Variants in TMEM117 observed in about 807,000 individuals in gnomAD.
The protein encoded by TMEM117 is transmembrane protein 117.
A neutral mutation model predicts 52.4 loss-of-function variants in TMEM117; 27 were observed. The observed-to-expected ratio is 0.51, with a 90% CI of 0.38 to 0.71. The LOEUF (loss-of-function observed/expected upper bound fraction) is 0.71. Among genes scored for constraint, TMEM117 ranks in the 30% least tolerant of loss-of-function variants. The probability of loss-of-function intolerance (pLI) is 0.00; values close to 1 mark genes in which losing one functional copy is unlikely to be tolerated. For missense variants in TMEM117, 556 were observed against 630.5 expected (o/e 0.88, Z 1.26); for synonymous variants, 215 against 206.3 (o/e 1.04, Z -0.36).
At chr12:44,064,399 A>G (rs886233700) in intron 3 of TMEM117, among the ~76,000 whole-genome samples, 4 of 152,182 alleles carry the variant, frequency 2.6e-5, no homozygotes, top group African/African-American at 9.7e-5. Flanking sequence ...TTACTTCAAT[A>G]AAGTTTAGGG....
At position 43,944,330 on chromosome 12, in the gene TMEM117, A is replaced by T. The variant is rs762702853; in HGVS notation, c.398A>T (p.Asp133Val). The change falls in exon 3 of 8, where the codon GAT (aspartate) becomes GTT (valine). Residue 133 changes from aspartate (D) to valine (V), a missense_variant. Coordinates refer to ENST00000266534, the MANE Select transcript of TMEM117 (RefSeq NM_032256.3). ...SHIYNTILLM[D>V]GNMGAYIITD... ...ATATACAACACGATTCTTCTAATGGATGGGAACATGGGGTAGGTTTTCTTT... is the reference window on the plus strand; with the variant it reads ...ATATACAACACGATTCTTCTAATGGTTGGGAACATGGGGTAGGTTTTCTTT... 2.4e-5 allele frequency: 39 copies of T among 1,611,192 alleles called. No individual in the cohort carries two copies. Among genetic ancestry groups the T allele is most frequent in the African/African-American group, 1.1e-4 (8 of 74,798 alleles).
chr12:44,216,310 G>A (rs1012580067), intron 5 of TMEM117, among the ~76,000 whole-genome samples: 1 of 152,002 alleles, frequency 6.6e-6, no homozygotes, highest in African/African-American at 2.4e-5. Flanking sequence ...TCAGCCAAAA[G>A]GAGCTCTCTT....
chr12:43,819,367 T>C, the TMEM117 span, among the ~76,000 whole-genome samples: 1 of 152,206 alleles, frequency 6.6e-6, no homozygotes, highest in African/African-American at 2.4e-5. Flanking sequence ...AGCTGAACTT[T>C]CCTATCTTGT....
At chr12:44,306,380 G>A (rs754173248) in intron 6 of TMEM117, among the ~76,000 whole-genome samples, 1 of 152,134 alleles carries the variant, frequency 6.6e-6, no homozygotes, top group South Asian at 2.1e-4. Context: ...ACAAATATAT[G>A]TGTGCCTATA....
intron 5 of TMEM117, among the ~76,000 whole-genome samples, chr12:44,296,992 T>A (rs1166159967): frequency 6.6e-6 from 1 of 152,210 alleles, no homozygotes; most frequent in Non-Finnish European, 1.5e-5. Flanking sequence ...TGATCAGTCT[T>A]GGACTTCGTA....
chr12:44,243,999 A>G (rs1036796374), intron 5 of TMEM117, among the ~76,000 whole-genome samples: 1 of 151,892 alleles, frequency 6.6e-6, no homozygotes, highest in African/African-American at 2.4e-5. Context: ...CTGTATGTAT[A>G]TACATTTCCT....
At chr12:43,845,691 C>T (rs186179219) in intron 2 of TMEM117, among the ~76,000 whole-genome samples, 7 of 151,612 alleles carry the variant, frequency 4.6e-5, no homozygotes, top group Middle Eastern at 3.4e-3. Context: ...ATCCCTCCCC[C>T]CTCCCCCAAC....
intron 5 of TMEM117, among the ~76,000 whole-genome samples, chr12:44,255,856 G>A (rs1393456746): frequency 6.6e-6 from 1 of 151,878 alleles, no homozygotes; most frequent in African/African-American, 2.4e-5. Flanking sequence ...TTTTTAACAT[G>A]GAAAATATGT....
chr12:44,212,878 G>A (rs944408361), intron 5 of TMEM117, among the ~76,000 whole-genome samples: 2 of 151,794 alleles, frequency 1.3e-5, no homozygotes, highest in South Asian at 4.2e-4. Context: ...GTTATCTTTT[G>A]TGCTTTAGTA....
Position 43,954,984 on chromosome 12 carries a change from C to T in TMEM117, c.410+10642C>T, listed in dbSNP as rs141990886. On this transcript the variant is annotated intron_variant, in intron 3 of 7. Transcript: ENST00000266534. ...CAGGATGCAAGGCTGGTTCAACATA[C>T]GTAAATCAATAATGCAATTCACCAC... Among the ~76,000 whole-genome samples the T allele has an allele frequency of 1.3e-3, 201 of 152,246 alleles. 1 individual carries two copies. The highest frequency in any genetic ancestry group is 4.5e-3 in the African/African-American group (189 of 41,554).
rs1357172374 is a variant in TMEM117, at chr12:43,937,501, A to T, written c.278-6709A>T. On this transcript the variant is annotated intron_variant, in intron 2 of 7. Transcript: ENST00000266534. ...TTTGCTGGGGATGTGTAAGACAAAT[A>T]TAGGGTATACAGAAATGTATGTGGT... 2.6e-5 allele frequency among the ~76,000 whole-genome samples: 4 copies of T among 152,178 alleles called. 1 individual carries two copies. In the South Asian group the frequency reaches 6.2e-4, roughly 24 times the overall value.
rs1305890999 is a variant in TMEM117, at chr12:43,922,828, G to A, written c.278-21382G>A. Among the ~76,000 whole-genome samples the A allele has an allele frequency of 5.9e-5, 9 of 152,240 alleles. No homozygotes were observed. In the South Asian group the frequency reaches 1.9e-3, roughly 32 times the overall value. ...TTAAGTCCCTTAGGAGGCCCAAGAA[G>A]AAGTACCCCTTTTCTCAGCCTATGT... On this transcript the variant is annotated intron_variant, in intron 2 of 7. Transcript: ENST00000266534.
intron 4 of TMEM117, among the ~76,000 whole-genome samples, chr12:44,206,683 A>C (rs1949571774): frequency 6.6e-6 from 1 of 152,206 alleles, no homozygotes; most frequent in Non-Finnish European, 1.5e-5. Context: ...GCAGCTAGAG[A>C]CTATTATCCT....
At chr12:44,295,108 T>G (rs1414432202) in intron 5 of TMEM117, among the ~76,000 whole-genome samples, 2 of 152,202 alleles carry the variant, frequency 1.3e-5, no homozygotes, top group Non-Finnish European at 2.9e-5. Context: ...TTCTGTTTCT[T>G]TCTTTCTCTC....
chr12:43,906,522 C>G (rs1944391726), intron 2 of TMEM117, among the ~76,000 whole-genome samples: 1 of 151,704 alleles, frequency 6.6e-6, no homozygotes, highest in Admixed American at 6.6e-5. Flanking sequence ...CAGCTCCGGT[C>G]TACAGCTCCC....
intron 2 of TMEM117, among the ~76,000 whole-genome samples, chr12:43,921,897 A>G (rs1190990963): frequency 6.6e-6 from 1 of 152,046 alleles, no homozygotes; most frequent in Non-Finnish European, 1.5e-5. Context: ...TGACTTCTCC[A>G]TTGCTACTTC....
chr12:43,804,157 T>A, the TMEM117 span: 2 of 384,926 alleles, frequency 5.2e-6, no homozygotes, highest in Admixed American at 6.4e-5. Context: ...AGTAACTATT[T>A]TTTTTTTTTG....
intron 5 of TMEM117, among the ~76,000 whole-genome samples, chr12:44,285,586 G>A (rs1025372107): frequency 1.3e-5 from 2 of 152,158 alleles, no homozygotes; most frequent in Non-Finnish European, 2.9e-5. Context: ...AACCAGAAGA[G>A]AACCAAATCA....
At chr12:43,898,482 C>T (rs2137498603) in intron 2 of TMEM117, among the ~76,000 whole-genome samples, 1 of 151,770 alleles carries the variant, frequency 6.6e-6, no homozygotes, top group Admixed American at 6.6e-5. Context: ...ATAATAGACC[C>T]TACTTGAACC....
Sources: allele counts gnomAD v4.1 joint callset (sites outside exome capture counted in the v4.1 genomes callset), GRCh38; gene constraint gnomAD v4.1.1; transcripts MANE v1.5; gene names NCBI Gene and HGNC (gene_info 2026-07-23, HGNC 2026-07-21).